Variants in HNF4A observed in about 807,000 individuals in gnomAD.
The protein encoded by HNF4A is hepatocyte nuclear factor 4-alpha.
Under a neutral mutation model 52.4 loss-of-function variants are expected in HNF4A, and 15 were observed. The observed-to-expected ratio is 0.29, with a 90% CI of 0.19 to 0.44. The LOEUF is 0.44. Ranked by LOEUF, HNF4A falls within the 20% of genes least tolerant of loss-of-function variation. The pLI is 1.00. For synonymous variants in HNF4A, 280 were observed against 264.4 expected (o/e 1.06, Z -0.57); for missense variants, 479 against 647.2 (o/e 0.74, Z 2.82).
At chr20:44,424,418 A>G (rs1324124198) in intron 8 of HNF4A, 164 bp downstream of exon 8, 1 of 1,243,854 alleles carries the variant, frequency 8.0e-7, no homozygotes, top group Non-Finnish European at 1.1e-6. Context: ...AAAAATGGGA[A>G]CAAGGCAATG....
In HNF4A at chr20:44,404,947, GGA is replaced by G. The variant is rs1283618712; in HGVS notation, c.116-1110_116-1109del. Among the ~76,000 whole-genome samples the G allele has an allele frequency of 1.4e-4, 13 of 95,396 alleles. 2 individuals carry two copies. The highest frequency in any genetic ancestry group is 8.0e-4 in the South Asian group (2 of 2,486). The allele number at this position is 95,396 out of a possible 152,430, so 62.6% of individuals were successfully genotyped here. The stretch of plus-strand genomic sequence containing the variant: ...TGTGTGTGGTGTGTGTGCGTGTGTG[GGA>G]ACTGTGTGGTGTGTGTGGACTGTGG... On this transcript the variant is annotated intron_variant, in intron 1 of 9. Transcript: ENST00000316099.
rs2062986740 is a variant in HNF4A, at chr20:44,367,942, T to C, written c.49+12089T>C. Reference sequence around the variant, plus strand: ...CTAGAATTCAACATCAAGGATTGTATTAGAAAAGGCAATACCAGCTTATCA... The same window carrying C: ...CTAGAATTCAACATCAAGGATTGTACTAGAAAAGGCAATACCAGCTTATCA... On this transcript the variant is annotated intron_variant, in intron 1 of 9. Coordinates refer to the HNF4A transcript ENST00000316673. Among the ~76,000 whole-genome samples, 3 of 151,360 alleles carry C rather than the reference T, an allele frequency of 2.0e-5. No individual in the cohort carries two copies. The South Asian group carries it at 6.3e-4, about 32-fold the overall frequency.
At chr20:44,384,540 C>T (rs990160626) in intron 1 of HNF4A, 1 of 152,144 alleles carries the variant, frequency 6.6e-6, no homozygotes, top group African/African-American at 2.4e-5. Flanking sequence ...ACACGCCCAG[C>T]ATGGGTCGGC....
chr20:44,381,186 G>A (rs1013068304), intron 1 of HNF4A, among the ~76,000 whole-genome samples: 1 of 151,554 alleles, frequency 6.6e-6, no homozygotes, highest in Non-Finnish European at 1.5e-5. Context: ...GTATTTTATA[G>A]AAAGATCTCC....
intron 1 of HNF4A, among the ~76,000 whole-genome samples, chr20:44,388,899 C>A (rs6103723): frequency 0.02 from 3,001 of 152,346 alleles, 40 homozygotes; most frequent in Non-Finnish European, 0.032. Context: ...TTGGCCTCTT[C>A]CCCTGGCTCC....
chr20:44,395,285 C>G (rs2425636), intron 1 of HNF4A, among the ~76,000 whole-genome samples: 21 of 152,256 alleles, frequency 1.4e-4, no homozygotes, highest in Non-Finnish European at 2.4e-4. Flanking sequence ...CCCCTGACGG[C>G]CTCAGTGTTT....
chr20:44,412,958 T>C (rs2063608125), intron 3 of HNF4A, among the ~76,000 whole-genome samples: 1 of 152,138 alleles, frequency 6.6e-6, no homozygotes, highest in African/African-American at 2.4e-5. Flanking sequence ...CCTCCCTCCT[T>C]TCTGAATCAG....
chr20:44,429,812 G>A lies in HNF4A; in HGVS notation c.*147G>A. On this transcript the variant is annotated 3_prime_UTR_variant, in exon 10 of 10. Coordinates refer to ENST00000316099, the MANE Select transcript of HNF4A (RefSeq NM_000457.6). Reference sequence around the variant, plus strand: ...GAAGGATGAAGGGCCCGAGAACATGGCCTAAGGGCCACATCCCACTGCCAC... The same window carrying A: ...GAAGGATGAAGGGCCCGAGAACATGACCTAAGGGCCACATCCCACTGCCAC... The A allele has an allele frequency of 1.2e-6, 1 of 801,510 alleles. No individual in the cohort carries two copies. Among genetic ancestry groups the A allele is most frequent in the Non-Finnish European group, 2.0e-6 (1 of 498,420 alleles). The allele number at this position is 801,510 out of a possible 1,614,324, so 49.6% of individuals were successfully genotyped here.
At chr20:44,415,026 C>A (rs1392105134) in intron 5 of HNF4A, among the ~76,000 whole-genome samples, 1 of 152,154 alleles carries the variant, frequency 6.6e-6, no homozygotes, top group Non-Finnish European at 1.5e-5. Context: ...GTACCTGAGG[C>A]TCTCCCAGGG....
At chr20:44,383,919 C>T (rs1002010060) in intron 1 of HNF4A, among the ~76,000 whole-genome samples, 11 of 151,838 alleles carry the variant, frequency 7.2e-5, no homozygotes, top group Non-Finnish European at 1.5e-4. Context: ...GGAGCGATCT[C>T]GGCTCACTGC....
rs1285122968 is a variant in HNF4A at position 44,430,242 on chromosome 20, A to T, written c.*577A>T. On this transcript the variant is annotated 3_prime_UTR_variant, in exon 10 of 10. Transcript: ENST00000316099. ...AGGAGGCCTTGGAAACGATTCCCCC[A>T]GTCATTCTGGGAACATGTTGTAAGC... 1 of 153,968 alleles carries T rather than the reference A, an allele frequency of 6.5e-6. No homozygotes were observed. The highest frequency in any genetic ancestry group is 1.9e-4 in the East Asian group (1 of 5,328). The allele number at this position is 153,968 out of a possible 1,614,324, so 9.5% of individuals were successfully genotyped here.
intron 5 of HNF4A, among the ~76,000 whole-genome samples, chr20:44,417,918 G>A (rs1371579703): frequency 2.7e-5 from 4 of 149,970 alleles, no homozygotes; most frequent in South Asian, 2.1e-4. Flanking sequence ...GCAGTGAGCC[G>A]AGATCATGCC....
upstream of HNF4A, among the ~76,000 whole-genome samples, chr20:44,399,603 G>A (rs138433757): frequency 1.5e-3 from 235 of 152,220 alleles, no homozygotes; most frequent in African/African-American, 5.0e-3. Flanking sequence ...CCTGACTCCC[G>A]ATTTGCTCAC....
rs78515635 is a variant in HNF4A, at chr20:44,360,549, G to A, written c.49+4696G>A. 2.6e-3 allele frequency among the ~76,000 whole-genome samples: 402 copies of A among 152,248 alleles called. 1 individual carries two copies. The highest frequency in any genetic ancestry group is 8.7e-3 in the African/African-American group (360 of 41,542). On this transcript the variant is annotated intron_variant, in intron 1 of 9. Coordinates refer to the HNF4A transcript ENST00000316673. ...GATGGATGGACAAATGATGTGATGA[G>A]TGGGTTGATGAAAAGATGGATGAAT... is the stretch of plus-strand genomic sequence containing the variant.
chr20:44,433,761 T>C (rs1310751987), downstream of HNF4A: 3 of 152,140 alleles, frequency 2.0e-5, no homozygotes, highest in Admixed American at 1.3e-4. Flanking sequence ...CCACTGGGCT[T>C]CTCTCCAAGG....
chr20:44,358,628 A>C (rs112864319), intron 1 of HNF4A, among the ~76,000 whole-genome samples: 1 of 145,418 alleles, frequency 6.9e-6, no homozygotes, highest in Non-Finnish European at 1.5e-5. Flanking sequence ...ACAAAACAAA[A>C]CAAAAAAACA....
At chr20:44,413,233 C>T (rs573454456) in intron 3 of HNF4A, among the ~76,000 whole-genome samples, 2 of 152,306 alleles carry the variant, frequency 1.3e-5, no homozygotes, top group East Asian at 1.9e-4. Context: ...TGGACAAAAC[C>T]ATCAAGGCAG....
At chr20:44,375,069 TTAA>T (rs546177865) in intron 1 of HNF4A, among the ~76,000 whole-genome samples, 1 of 152,214 alleles carries the variant, frequency 6.6e-6, no homozygotes, top group Non-Finnish European at 1.5e-5. Context: ...AAAAAGAAAC[TTAA>T]TAATCATTTT....
At chr20:44,420,558 T>C (rs1309806310) in intron 7 of HNF4A, among the ~76,000 whole-genome samples, 1 of 152,068 alleles carries the variant, frequency 6.6e-6, no homozygotes, top group East Asian at 1.9e-4. Context: ...GGCAGGAGGA[T>C]CACTTCAGGC....
Sources: allele counts gnomAD v4.1 joint callset (sites outside exome capture counted in the v4.1 genomes callset), GRCh38; gene constraint gnomAD v4.1.1; transcripts MANE v1.5; gene names NCBI Gene and HGNC (gene_info 2026-07-23, HGNC 2026-07-21).